ACTR3C: variants seen among roughly 807,000 people sequenced by gnomAD.
The protein encoded by ACTR3C is actin-related protein 3C.
A neutral mutation model predicts 26.3 loss-of-function variants in ACTR3C; 18 were observed. That is an observed-to-expected ratio of 0.68 (90% CI 0.47 to 1.01). ACTR3C has a LOEUF of 1.01. Ranked by LOEUF, ACTR3C falls within the 50% of genes least tolerant of loss-of-function variation. The pLI is 0.00. For synonymous variants in ACTR3C, 55 were observed against 94.5 expected (o/e 0.58, Z 2.42); for missense variants, 184 against 250.7 (o/e 0.73, Z 1.80).
chr7:150,272,309 TC>T (rs1834511031), intron 6 of ACTR3C, among the ~76,000 whole-genome samples: 1 of 139,390 alleles, frequency 7.2e-6, no homozygotes. Flanking sequence ...GAAGAGACTG[TC>T]CCCACTTATT....
At chr7:150,073,246 T>C in the ACTR3C span, among the ~76,000 whole-genome samples, 1 of 152,208 alleles carries the variant, frequency 6.6e-6, no homozygotes. Flanking sequence ...GGAAGCCGCA[T>C]GTTCCCAGAA....
chr7:150,110,111 T>C, the ACTR3C span, among the ~76,000 whole-genome samples: 63,689 of 78,658 alleles, frequency 0.81, 26,400 homozygotes, highest in African/African-American at 0.93. Flanking sequence ...TCTCGGAAGC[T>C]ACCTCGTGTT....
At chr7:150,261,337 T>C (rs1417894779) in intron 6 of ACTR3C, among the ~76,000 whole-genome samples, 3 of 151,990 alleles carry the variant, frequency 2.0e-5, no homozygotes, top group Non-Finnish European at 4.4e-5. Flanking sequence ...TAACTCTTTT[T>C]CTACTTGAAG....
the ACTR3C span, among the ~76,000 whole-genome samples, chr7:149,931,448 T>C: frequency 6.6e-6 from 1 of 152,098 alleles, no homozygotes; most frequent in Non-Finnish European, 1.5e-5. Flanking sequence ...GGCTCACAGG[T>C]GAGATGCAGG....
chr7:150,081,316 GAGAAA>G, the ACTR3C span, among the ~76,000 whole-genome samples: 2 of 151,118 alleles, frequency 1.3e-5, no homozygotes, highest in Non-Finnish European at 1.5e-5. Flanking sequence ...AGAGAGAAAA[GAGAAA>G]AGAAAAGAAA....
intron 6 of ACTR3C, among the ~76,000 whole-genome samples, chr7:150,283,980 A>G (rs1292875884): frequency 6.6e-6 from 1 of 151,370 alleles, no homozygotes; most frequent in South Asian, 2.1e-4. Context: ...TCCAGGTTTC[A>G]AAATTCCCTG....
At chr7:149,901,910 CAAAAAAAAAAAAAA>C in the ACTR3C span, among the ~76,000 whole-genome samples, 1 of 56,742 alleles carries the variant, frequency 1.8e-5, no homozygotes, top group Non-Finnish European at 2.9e-5. Context: ...GACTCTGTCT[CAAAAAAAAAAAAAA>C]AAAAAAAAAA....
chr7:150,284,959 A>G (rs1339035284), intron 5 of ACTR3C, 114 bp from the exon 6 acceptor site: 6 of 1,032,868 alleles, frequency 5.8e-6, no homozygotes, highest in Non-Finnish European at 8.0e-6. Context: ...ACTTAAAAGA[A>G]TTCACATTGG....
chr7:150,097,016 G>C, the ACTR3C span, among the ~76,000 whole-genome samples: 22,326 of 151,650 alleles, frequency 0.15, 1,337 homozygotes, highest in African/African-American at 0.2. Context: ...GCACACCCCA[G>C]ATCATCCAAT....
At chr7:150,011,061 G>A in the ACTR3C span, among the ~76,000 whole-genome samples, 1 of 148,906 alleles carries the variant, frequency 6.7e-6, no homozygotes, top group Non-Finnish European at 1.5e-5. Flanking sequence ...CCTGTGTCTA[G>A]AAAGTTTCTC....
At chr7:150,013,552 A>G in the ACTR3C span, among the ~76,000 whole-genome samples, 2 of 152,230 alleles carry the variant, frequency 1.3e-5, no homozygotes, top group Non-Finnish European at 2.9e-5. Flanking sequence ...AACAGGCTGG[A>G]GGCACTGCAT....
the ACTR3C span, among the ~76,000 whole-genome samples, chr7:150,040,957 C>T: frequency 6.7e-6 from 1 of 150,312 alleles, no homozygotes; most frequent in Non-Finnish European, 1.5e-5. Flanking sequence ...GCTGCCAAAG[C>T]CCTCAAATAG....
At chr7:150,146,292 G>C in the ACTR3C span, among the ~76,000 whole-genome samples, 1 of 152,088 alleles carries the variant, frequency 6.6e-6, no homozygotes, top group Non-Finnish European at 1.5e-5. Flanking sequence ...TAGTTCTGTG[G>C]TGGACAGCTC....
At chr7:150,010,709 A>AT in the ACTR3C span, among the ~76,000 whole-genome samples, 2 of 151,674 alleles carry the variant, frequency 1.3e-5, no homozygotes, top group South Asian at 2.1e-4. Flanking sequence ...AAAAAAAAAA[A>AT]AAATAAGCTC....
At chr7:150,250,003 A>G (rs1055057630) in intron 6 of ACTR3C, among the ~76,000 whole-genome samples, 1 of 152,112 alleles carries the variant, frequency 6.6e-6, no homozygotes, top group African/African-American at 2.4e-5. Context: ...AGTGCTCTGC[A>G]TGTCGCATGT....
downstream of ACTR3C, among the ~76,000 whole-genome samples, chr7:150,242,415 C>G (rs1305360127): frequency 2.0e-5 from 3 of 150,612 alleles, no homozygotes; most frequent in Non-Finnish European, 4.4e-5. Flanking sequence ...GCACAGGGAG[C>G]TTTTCGGAGT....
chr7:150,300,363 C>T (rs1199689659), intron 1 of ACTR3C, among the ~76,000 whole-genome samples: 3 of 152,068 alleles, frequency 2.0e-5, no homozygotes, highest in African/African-American at 7.2e-5. Flanking sequence ...AAAAAAACAA[C>T]AACAAAAAAA....
chr7:150,263,696 G>A (rs1833822203), intron 6 of ACTR3C, among the ~76,000 whole-genome samples: 2 of 152,008 alleles, frequency 1.3e-5, no homozygotes, highest in East Asian at 1.9e-4. Flanking sequence ...GACTGAAAAC[G>A]AAGAACAACG....
At chr7:150,307,221 T>A (rs1210847494) in intron 1 of ACTR3C, among the ~76,000 whole-genome samples, 6 of 152,242 alleles carry the variant, frequency 3.9e-5, no homozygotes, top group African/African-American at 1.2e-4. Flanking sequence ...ACATGTAAGA[T>A]GTACATTGAT....
Sources: allele counts gnomAD v4.1 joint callset (sites outside exome capture counted in the v4.1 genomes callset), GRCh38; gene constraint gnomAD v4.1.1; transcripts MANE v1.5; gene names NCBI Gene and HGNC (gene_info 2026-07-23, HGNC 2026-07-21).